RASEF: variants seen among roughly 807,000 people sequenced by gnomAD.
RASEF encodes RAS and EF-hand domain containing.
Under a neutral mutation model 90.1 loss-of-function variants are expected in RASEF, and 68 were observed. The observed-to-expected ratio is 0.75, with a 90% confidence interval of 0.62 to 0.92. The LOEUF (loss-of-function observed/expected upper bound fraction) is 0.92, where lower values mean the gene tolerates loss of function less well. RASEF is among the 40% of genes least tolerant of loss of function. The pLI is 0.00. For missense variants in RASEF, 949 were observed against 937.2 expected (o/e 1.01, Z -0.16); for synonymous variants, 331 against 345.2 (o/e 0.96, Z 0.46).
Position 83,009,627 on chromosome 9 carries a change from T to C in RASEF, c.959+14A>G. 2.0e-6 allele frequency: 3 copies of C among 1,478,176 alleles called. No homozygotes were observed. The highest frequency in any genetic ancestry group is 1.4e-5 in the African/African-American group (1 of 72,464). 91.6% of individuals were successfully genotyped at this position (1,478,176 alleles called of 1,614,324 possible). ...ATTCTACTCAAACTAACAAATAAAA[T>C]GCAAAGTTCATACCTTTCAGTATTC... On this transcript the variant is annotated intron_variant, in intron 6 of 16. Transcript: ENST00000376447.
chr9:83,121,224 T>C, the RASEF span, among the ~76,000 whole-genome samples: 2 of 152,176 alleles, frequency 1.3e-5, no homozygotes, highest in African/African-American at 2.4e-5. Flanking sequence ...TATCAACATA[T>C]GTAAATATTT....
At chr9:83,175,731 C>T in the RASEF span, among the ~76,000 whole-genome samples, 1 of 152,150 alleles carries the variant, frequency 6.6e-6, no homozygotes, top group African/African-American at 2.4e-5. Flanking sequence ...CAGGCGCACA[C>T]TGCCATGCCC....
the RASEF span, among the ~76,000 whole-genome samples, chr9:83,122,128 G>T: frequency 6.6e-6 from 1 of 152,118 alleles, no homozygotes; most frequent in Non-Finnish European, 1.5e-5. Flanking sequence ...GTGCCTTGTG[G>T]CTCCTTGTAC....
the RASEF span, among the ~76,000 whole-genome samples, chr9:83,147,637 T>G: frequency 3.3e-5 from 5 of 150,892 alleles, no homozygotes; most frequent in African/African-American, 1.2e-4. Context: ...AAGCATGTGT[T>G]ACAGTGCTCC....
the RASEF span, among the ~76,000 whole-genome samples, chr9:83,088,998 C>G: frequency 6.6e-6 from 1 of 152,052 alleles, no homozygotes; most frequent in African/African-American, 2.4e-5. Flanking sequence ...TCTATTCCTT[C>G]ATTACAGTCA....
At chr9:83,029,307 C>T (rs535006153) in intron 1 of RASEF, among the ~76,000 whole-genome samples, 4 of 152,058 alleles carry the variant, frequency 2.6e-5, no homozygotes, top group African/African-American at 9.6e-5. Context: ...CACTGAAAAA[C>T]GTAAGGTACA....
chr9:83,073,474 C>A, the RASEF span, among the ~76,000 whole-genome samples: 1 of 151,044 alleles, frequency 6.6e-6, no homozygotes, highest in African/African-American at 2.4e-5. Context: ...TGATATGAAT[C>A]CTCCTCTTAA....
At chr9:83,024,644 A>C (rs1040314497) in intron 2 of RASEF, among the ~76,000 whole-genome samples, 1 of 152,182 alleles carries the variant, frequency 6.6e-6, no homozygotes, top group Non-Finnish European at 1.5e-5. Context: ...ATGGTCAGTC[A>C]AGTACTAAAA....
chr9:83,007,549 G>T, intron 6 of RASEF, 44 bp from the exon 7 acceptor site: 1 of 1,423,172 alleles, frequency 7.0e-7, no homozygotes, highest in Non-Finnish European at 9.9e-7. Flanking sequence ...TAGGTGTCAA[G>T]TCCTGCCTCA....
chr9:83,048,845 G>A, intron 1 of RASEF: 1 of 831,864 alleles, frequency 1.2e-6, no homozygotes, highest in Non-Finnish European at 1.4e-6. Flanking sequence ...AGACTCCTGT[G>A]AGGCTGTGTG....
At chr9:83,019,298 A>G (rs766116448) in intron 3 of RASEF, among the ~76,000 whole-genome samples, 16 of 152,150 alleles carry the variant, frequency 1.1e-4, no homozygotes, top group Admixed American at 2.0e-4. Flanking sequence ...GTAATGAGCC[A>G]AAGATTTTTA....
chr9:83,080,880 GTT>G, the RASEF span, among the ~76,000 whole-genome samples: 1 of 151,954 alleles, frequency 6.6e-6, no homozygotes, highest in Non-Finnish European at 1.5e-5. Flanking sequence ...AGTAGTTTTT[GTT>G]TTTTAAAAAA....
chr9:83,009,221 G>C (rs1234804654), intron 6 of RASEF, among the ~76,000 whole-genome samples: 1 of 151,826 alleles, frequency 6.6e-6, no homozygotes, highest in Non-Finnish European at 1.5e-5. Context: ...ACGTGTCTGT[G>C]AATGTATGTA....
chr9:83,092,062 C>T, the RASEF span, among the ~76,000 whole-genome samples: 5 of 124,368 alleles, frequency 4.0e-5, no homozygotes, highest in Admixed American at 4.6e-4. Flanking sequence ...CATAAATGCC[C>T]CAAGGAGTGC....
At chr9:83,048,154 C>T (rs953813580) in intron 1 of RASEF, 1 of 985,310 alleles carries the variant, frequency 1.0e-6, no homozygotes, top group Non-Finnish European at 1.2e-6. Context: ...GTAAACCCTC[C>T]TCCATCAATC....
chr9:83,218,253 T>C, the RASEF span, among the ~76,000 whole-genome samples: 1 of 152,258 alleles, frequency 6.6e-6, no homozygotes, highest in African/African-American at 2.4e-5. Context: ...TTTCTGAAAT[T>C]CTCTGCGCCT....
At chr9:83,183,185 C>T in the RASEF span, among the ~76,000 whole-genome samples, 15 of 119,166 alleles carry the variant, frequency 1.3e-4, no homozygotes, top group East Asian at 3.8e-3. Flanking sequence ...GTTAATTGTA[C>T]TTCAATAAAG....
In RASEF at chr9:83,025,914, G is replaced by C; in HGVS notation, c.439C>G (p.Gln147Glu). Residue 147 changes from glutamine to glutamate, a missense_variant, in exon 2 of 17, where the codon CAA becomes GAA. Physicochemically the swap from Gln to Glu is conservative, Grantham distance 29 (BLOSUM62 2). Transcript: ENST00000376447. ...ATGTTTTGGTACAAGGTACTAACTT[G>C]CTCTTCTCTGCCAAATAAATAAATA... The part of the protein sequence containing the change: ...DEAKFIPREE[Q>E]VSTLYQNINL... 1 of 1,580,680 alleles carries C rather than the reference G, an allele frequency of 6.3e-7. No individual in the cohort carries two copies.
chr9:83,073,075 A>G, the RASEF span, among the ~76,000 whole-genome samples: 1 of 152,158 alleles, frequency 6.6e-6, no homozygotes, highest in East Asian at 1.9e-4. Flanking sequence ...GTTTCTCTCC[A>G]TCACGCATGT....
Sources: gnomAD v4.1 joint callset for allele counts (sites outside exome capture counted in the v4.1 genomes callset) on GRCh38, gnomAD v4.1.1 for gene constraint, MANE v1.5 for transcripts, NCBI Gene and HGNC (gene_info 2026-07-23, HGNC 2026-07-21) for gene names.